The following FAM167A variants were observed in gnomAD, a reference collection of about 807,000 sequenced individuals.
FAM167A encodes the protein protein FAM167A.
A neutral mutation model predicts 14.9 loss-of-function variants in FAM167A; 23 were observed. The observed-to-expected ratio is 1.55, with a 90% confidence interval of 1.11 to 2.19. The LOEUF is 2.19. FAM167A is among the 30% of genes most tolerant of loss of function. FAM167A has a pLI of 0.00. For missense variants in FAM167A, 401 were observed against 281.5 expected, an observed-to-expected ratio of 1.42 and a Z score of -3.04; for synonymous variants, 174 against 117.7, an observed-to-expected ratio of 1.48 and a Z score of -3.10.
intron 2 of FAM167A, among the ~76,000 whole-genome samples, chr8:11,429,912 G>T (rs772069130): frequency 2.0e-5 from 3 of 152,186 alleles, no homozygotes; most frequent in Non-Finnish European, 4.4e-5. Flanking sequence ...CAAATAGCAT[G>T]GCAGAAAATA....
intron 2 of FAM167A, among the ~76,000 whole-genome samples, chr8:11,441,777 G>C (rs1168530070): frequency 6.6e-6 from 1 of 152,198 alleles, no homozygotes; most frequent in East Asian, 1.9e-4. Context: ...AAGAATCAGA[G>C]ATCACGGAAT....
intron 1 of FAM167A, among the ~76,000 whole-genome samples, chr8:11,456,627 G>A (rs569826164): frequency 6.6e-6 from 1 of 151,444 alleles, no homozygotes; most frequent in South Asian, 2.1e-4. Flanking sequence ...GTGAATATAC[G>A]AGTGTGAGGT....
At chr8:11,469,134 C>G (rs577917035), upstream of FAM167A, among the ~76,000 whole-genome samples, 100 of 152,294 alleles carry the variant, frequency 6.6e-4, no homozygotes, top group African/African-American at 2.4e-3. Flanking sequence ...GACTGGGACA[C>G]CAAATCCTGT....
chr8:11,463,783 A>G (rs2898280), intron 1 of FAM167A, among the ~76,000 whole-genome samples: 76,058 of 152,038 alleles, frequency 0.5, 19,198 homozygotes, highest in East Asian at 0.66. Flanking sequence ...GTGAACCCTC[A>G]TCCTCTTCAG....
chr8:11,436,835 C>A (rs565298644), intron 2 of FAM167A, among the ~76,000 whole-genome samples: 54 of 152,224 alleles, frequency 3.5e-4, no homozygotes, highest in African/African-American at 1.3e-3. Flanking sequence ...TGATGCTGAG[C>A]GAGAACCAGC....
At chr8:11,469,696 A>G (rs907843859), upstream of FAM167A, among the ~76,000 whole-genome samples, 1 of 145,520 alleles carries the variant, frequency 6.9e-6, no homozygotes, top group African/African-American at 2.6e-5. Flanking sequence ...GTGAGACCCC[A>G]CTTCTACAAA....
intron 2 of FAM167A, among the ~76,000 whole-genome samples, chr8:11,430,560 T>C (rs539512642): frequency 2.1e-4 from 32 of 152,338 alleles, no homozygotes; most frequent in African/African-American, 7.2e-4. Flanking sequence ...ATGTAAAGTT[T>C]ATCTCAATGA....
In FAM167A at chr8:11,434,748, C is replaced by A. The variant is rs181010786; in HGVS notation, c.381+9283G>T. Reference sequence around the variant, plus strand: ...CTGGGTTCCAGTCCTAGTGCAGCCTCTGATGACATGATGACTCTGGACAGG... The same window carrying A: ...CTGGGTTCCAGTCCTAGTGCAGCCTATGATGACATGATGACTCTGGACAGG... On this transcript the variant is annotated intron_variant, in intron 2 of 2. Transcript: ENST00000284486. 3 of 272,580 alleles carry A rather than the reference C, an allele frequency of 1.1e-5. No individual in the cohort carries two copies. The Admixed American group carries it at 1.4e-4, about 13-fold the overall frequency. 16.9% of individuals were successfully genotyped at this position (272,580 alleles called of 1,614,324 possible). A position where few individuals can be genotyped will look rare whatever the true frequency, so the allele number is the denominator to read the frequency against.
chr8:11,433,312 T>C (rs1805749776), intron 2 of FAM167A, among the ~76,000 whole-genome samples: 1 of 152,202 alleles, frequency 6.6e-6, no homozygotes, highest in Non-Finnish European at 1.5e-5. Flanking sequence ...TTCTGCTTCC[T>C]AAAATAAAGG....
chr8:11,431,144 G>C (rs1230145700), intron 2 of FAM167A, among the ~76,000 whole-genome samples: 4 of 152,194 alleles, frequency 2.6e-5, no homozygotes, highest in Non-Finnish European at 5.9e-5. Flanking sequence ...AACCAACCCA[G>C]TGCCCTCCAC....
chr8:11,461,719 G>A (rs1022203086), intron 1 of FAM167A, among the ~76,000 whole-genome samples: 1 of 152,242 alleles, frequency 6.6e-6, no homozygotes, highest in Non-Finnish European at 1.5e-5. Flanking sequence ...TGAATCCACA[G>A]GATAATTGGC....
chr8:11,425,592 T>A (rs992092472), intron 2 of FAM167A, among the ~76,000 whole-genome samples: 8 of 152,096 alleles, frequency 5.3e-5, no homozygotes, highest in African/African-American at 1.9e-4. Context: ...CCGCTCTTCA[T>A]CAAGAGGACC....
intron 1 of FAM167A, chr8:11,445,489 T>C: frequency 1.0e-6 from 1 of 985,692 alleles, no homozygotes; most frequent in Non-Finnish European, 1.2e-6. Context: ...GCACCTGGGC[T>C]GGATGGCTAA....
intron 2 of FAM167A, chr8:11,438,080 G>A (rs1474511828): frequency 2.2e-6 from 1 of 454,298 alleles, no homozygotes; most frequent in South Asian, 1.6e-5. Context: ...CATCCACCTT[G>A]GCCTCACCCC....
At chr8:11,456,222 A>ATGGGT (rs1807286640) in intron 1 of FAM167A, among the ~76,000 whole-genome samples, 2 of 1,986 alleles carry the variant, frequency 1.0e-3, no homozygotes, top group Admixed American at 7.6e-3. Context: ...TGTGAGTGTG[A>ATGGGT]GTGAGTGTGG....
chr8:11,449,470 G>A (rs553027980), intron 1 of FAM167A, among the ~76,000 whole-genome samples: 26 of 152,290 alleles, frequency 1.7e-4, no homozygotes, highest in Non-Finnish European at 2.8e-4. Flanking sequence ...CCCAGGCCCC[G>A]GGAGGAAGAG....
Position 11,422,065 on chromosome 8 carries a change from C to T in FAM167A, c.*2308G>A. On this transcript the variant is annotated 3_prime_UTR_variant, in exon 3 of 3. Coordinates refer to ENST00000284486, the MANE Select transcript of FAM167A (RefSeq NM_053279.3). ...TTAGGATAAACCGAGCAAAATAGCT[C>T]AGACATTTAACTTATCCCCAAACAT... is the stretch of plus-strand genomic sequence containing the variant. 2.7e-6 allele frequency: 1 copy of T among 372,402 alleles called. No homozygotes were observed. The highest frequency in any genetic ancestry group is 4.8e-6 in the Non-Finnish European group (1 of 210,268). 23.1% of individuals were successfully genotyped at this position (372,402 alleles called of 1,614,324 possible). A position where few individuals can be genotyped will look rare whatever the true frequency, so the allele number is the denominator to read the frequency against.
intron 1 of FAM167A, among the ~76,000 whole-genome samples, chr8:11,448,538 C>T (rs943597059): frequency 4.6e-5 from 7 of 152,218 alleles, no homozygotes; most frequent in Non-Finnish European, 1.0e-4. Context: ...CTCTGACCTG[C>T]TGGGTGGCCC....
rs752330983 is a variant in FAM167A, at chr8:11,431,917, A to AAAAAAAAAAAAAAG, written c.382-7282_382-7281insCTTTTTTTTTTTTT. Reference sequence around the variant, plus strand: ...GCAAAAAAAAAAAAAAAAAAAAAAAAAAGGATTTTGTTCTTTGCCAAAGGC... The same window carrying AAAAAAAAAAAAAAG: ...GCAAAAAAAAAAAAAAAAAAAAAAAAAAAAAAAAAAAAAGAAGGATTTTGTTCTTTGCCAAAGGC... On this transcript the variant is annotated intron_variant, in intron 2 of 2. Transcript: ENST00000284486. 2.0e-5 allele frequency among the ~76,000 whole-genome samples: 2 copies of AAAAAAAAAAAAAAG among 99,498 alleles called. 1 individual carries two copies. Among genetic ancestry groups the AAAAAAAAAAAAAAG allele is most frequent in the Non-Finnish European group, 4.0e-5 (2 of 50,502 alleles). The allele number at this position is 99,498 out of a possible 152,430, so 65.3% of individuals were successfully genotyped here. A position where few individuals can be genotyped will look rare whatever the true frequency, so the allele number is the denominator to read the frequency against.
Sources: allele counts gnomAD v4.1 joint callset (sites outside exome capture counted in the v4.1 genomes callset), GRCh38; gene constraint gnomAD v4.1.1; transcripts MANE v1.5; gene names NCBI Gene and HGNC (gene_info 2026-07-23, HGNC 2026-07-21).